Variants in ADAMTS18 observed in about 807,000 individuals in gnomAD.
ADAMTS18 encodes the protein A disintegrin and metalloproteinase with thrombospondin motifs 18.
Under a neutral mutation model 165.9 loss-of-function variants are expected in ADAMTS18, and 157 were observed. The ratio of observed to expected loss-of-function variants is 0.95; its 90% CI spans 0.83 to 1.08. The LOEUF is 1.08. ADAMTS18 is among the 50% of genes least tolerant of loss of function. The probability of loss-of-function intolerance (pLI) is 0.00; values close to 1 mark genes in which losing one functional copy is unlikely to be tolerated. For missense variants in ADAMTS18, 2,040 were observed against 1,534.0 expected (o/e 1.33, Z -5.51); for synonymous variants, 782 against 578.2 (o/e 1.35, Z -5.06).
intron 3 of ADAMTS18, among the ~76,000 whole-genome samples, chr16:77,390,463 G>A (rs1300268619): frequency 3.3e-5 from 5 of 151,900 alleles, no homozygotes; most frequent in African/African-American, 4.8e-5. Flanking sequence ...AGGCCGAGGC[G>A]GGCAGATCAC....
At chr16:77,366,549 A>G (rs1459753182) in intron 4 of ADAMTS18, among the ~76,000 whole-genome samples, 3 of 152,222 alleles carry the variant, frequency 2.0e-5, no homozygotes, top group Non-Finnish European at 4.4e-5. Flanking sequence ...AAAGAGTGAA[A>G]CTGTCTCAAA....
At chr16:77,431,995 G>C (rs78922436) in intron 2 of ADAMTS18, among the ~76,000 whole-genome samples, 1 of 152,120 alleles carries the variant, frequency 6.6e-6, no homozygotes, top group Non-Finnish European at 1.5e-5. Flanking sequence ...TGAAGATAAA[G>C]TTAATAAACA....
chr16:77,292,465 A>G (rs1260653415), intron 20 of ADAMTS18, among the ~76,000 whole-genome samples: 1 of 152,136 alleles, frequency 6.6e-6, no homozygotes, highest in African/African-American at 2.4e-5. Flanking sequence ...CCTTGCCCCA[A>G]ATCCCCTTTT....
At chr16:77,300,548 T>C (rs1025957882) in intron 16 of ADAMTS18, 144 bp from the exon 17 acceptor site, 1 of 983,856 alleles carries the variant, frequency 1.0e-6, no homozygotes, top group Non-Finnish European at 1.6e-6. Context: ...GTATGTTTTA[T>C]GTTGACTTAA....
chr16:77,417,746 A>G (rs1037120158), intron 3 of ADAMTS18, among the ~76,000 whole-genome samples: 8 of 152,232 alleles, frequency 5.3e-5, no homozygotes, highest in Non-Finnish European at 7.3e-5. Flanking sequence ...AAAGTATAAT[A>G]ATAATCATCA....
At chr16:77,357,635 A>G (rs2056651170) in intron 8 of ADAMTS18, among the ~76,000 whole-genome samples, 1 of 152,234 alleles carries the variant, frequency 6.6e-6, no homozygotes, top group Non-Finnish European at 1.5e-5. Context: ...TTAGAACTTC[A>G]GTGGAATTTT....
chr16:77,372,828 C>T (rs1486611615), intron 3 of ADAMTS18, among the ~76,000 whole-genome samples: 1 of 152,104 alleles, frequency 6.6e-6, no homozygotes, highest in Non-Finnish European at 1.5e-5. Context: ...GTCCCAAATC[C>T]CACCTGTCCT....
chr16:77,384,233 C>T (rs539995634), intron 3 of ADAMTS18, among the ~76,000 whole-genome samples: 42 of 152,340 alleles, frequency 2.8e-4, no homozygotes, highest in African/African-American at 9.9e-4. Flanking sequence ...AACTCCTCTA[C>T]TTCTGGAGCT....
Position 77,349,568 on chromosome 16 carries a change from C to A in ADAMTS18, c.1614+4165G>T, listed in dbSNP as rs903669036. On this transcript the variant is annotated intron_variant, in intron 10 of 22. Transcript: ENST00000282849. ...AAAAAAGCCGGTTCACTGAGCCAGA[C>A]AAAGTCATGAATAACTATTGTTCCC... Among the ~76,000 whole-genome samples the A allele has an allele frequency of 9.5e-5, 13 of 137,366 alleles. No individual in the cohort carries two copies. In the East Asian group the frequency reaches 2.9e-3, roughly 31 times the overall value. The allele number at this position is 137,366 out of a possible 152,430, so 90.1% of individuals were successfully genotyped here. A position where few individuals can be genotyped will look rare whatever the true frequency, so the allele number is the denominator to read the frequency against.
chr16:77,307,212 T>C (rs181330333), intron 16 of ADAMTS18, among the ~76,000 whole-genome samples: 5 of 152,362 alleles, frequency 3.3e-5, no homozygotes, highest in Admixed American at 2.6e-4. Context: ...AATTGCACCT[T>C]ACACTCCTGT....
chr16:77,361,009 A>T (rs2056704817), intron 7 of ADAMTS18, among the ~76,000 whole-genome samples: 1 of 152,096 alleles, frequency 6.6e-6, no homozygotes, highest in Non-Finnish European at 1.5e-5. Flanking sequence ...TCACTTGAAC[A>T]TGGGAGGCAG....
At chr16:77,343,946 A>G (rs1351703625) in intron 10 of ADAMTS18, among the ~76,000 whole-genome samples, 1 of 151,920 alleles carries the variant, frequency 6.6e-6, no homozygotes, top group Non-Finnish European at 1.5e-5. Context: ...ACTTGTTGTA[A>G]TCCTGAAAAT....
chr16:77,389,815 A>AT lies in ADAMTS18; in HGVS notation c.496-22093dup, dbSNP rs565417796. Reference sequence around the variant, plus strand: ...GAGCTCAGTTGCTTGCAGCTATTTGATTTTTTAAGCATAGAATCGATCTGT... The same window carrying AT: ...GAGCTCAGTTGCTTGCAGCTATTTGATTTTTTTAAGCATAGAATCGATCTGT... On this transcript the variant is annotated intron_variant, in intron 3 of 22. Coordinates refer to ENST00000282849, the MANE Select transcript of ADAMTS18 (RefSeq NM_199355.4). Among the ~76,000 whole-genome samples, 267 of 152,324 alleles carry AT rather than the reference A, an allele frequency of 1.8e-3. 1 individual carries two copies. The highest frequency in any genetic ancestry group is 6.0e-3 in the African/African-American group (250 of 41,560).
rs1401694800 is a variant in ADAMTS18, at chr16:77,434,628, G to T, written c.68C>A (p.Ala23Glu). 30 of 1,491,710 alleles carry T rather than the reference G, an allele frequency of 2.0e-5. No individual in the cohort carries two copies. Among genetic ancestry groups the T allele is most frequent in the Non-Finnish European group, 2.7e-5 (30 of 1,128,126 alleles). 92.4% of individuals were successfully genotyped at this position (1,491,710 alleles called of 1,614,324 possible). A position where few individuals can be genotyped will look rare whatever the true frequency, so the allele number is the denominator to read the frequency against. Residue 23 changes from alanine (A) to glutamate (E), a missense_variant, in exon 1 of 23, where the codon GCG becomes GAG. Coordinates refer to ENST00000282849, the MANE Select transcript of ADAMTS18 (RefSeq NM_199355.4). Reference sequence around the variant, plus strand: ...TGCCTTGGCCACGCGCCCCAGTCCCGCCAGGCCCCTCGGCGGGCCCGAACC... The same window carrying T: ...TGCCTTGGCCACGCGCCCCAGTCCCTCCAGGCCCCTCGGCGGGCCCGAACC... ...AAGSGPPRGL[A>E]GLGRVAKALQ...
rs187998780 is a variant in ADAMTS18 at position 77,293,094 on chromosome 16, G to A, written c.3171C>T (p.Val1057=). The change falls in exon 20 of 23, where the codon GTC becomes GTT. Residue 1057 remains valine, a synonymous_variant. Transcript: ENST00000282849. ...RCPKNSRLQW[V]ASSWSECSAT... The stretch of plus-strand genomic sequence containing the variant: ...TCCATACCTCGCTCCACGAAGAAGC[G>A]ACCCACTGTAGCCGGCTGTTCTTGG... 7.5e-5 allele frequency: 121 copies of A among 1,613,936 alleles called. No homozygotes were observed. Among genetic ancestry groups the A allele is most frequent in the Middle Eastern group, 3.3e-4 (2 of 6,062 alleles).
intron 17 of ADAMTS18, among the ~76,000 whole-genome samples, 176 bp from the exon 18 acceptor site, chr16:77,297,591 C>T (rs2144584410): frequency 6.6e-6 from 1 of 152,020 alleles, no homozygotes; most frequent in South Asian, 2.1e-4. Flanking sequence ...TTCCATTCCC[C>T]TCCCTAAAAT....
At chr16:77,334,651 CTATATACTG>C (rs1043056959) in intron 12 of ADAMTS18, among the ~76,000 whole-genome samples, 2 of 108,412 alleles carry the variant, frequency 1.8e-5, no homozygotes, top group African/African-American at 7.5e-5. Context: ...TGTATATACA[CTATATACTG>C]TATATAGTGC....
intron 3 of ADAMTS18, among the ~76,000 whole-genome samples, chr16:77,419,087 T>G (rs2057567179): frequency 6.6e-6 from 1 of 152,178 alleles, no homozygotes. Flanking sequence ...AGGCGGAGAC[T>G]GCAGTGAGCC....
In ADAMTS18 at chr16:77,363,834, C is replaced by G; in HGVS notation, c.1024G>C (p.Val342Leu). 1 of 1,614,036 alleles carries G rather than the reference C, an allele frequency of 6.2e-7. No homozygotes were observed. The highest frequency in any genetic ancestry group is 8.5e-7 in the Non-Finnish European group (1 of 1,179,966). ...TGTTCCAGAAGAATTAGGCTCACCA[C>G]AACCACGTTTATGTCACTTCCAATA... ...GTIGSDINVV[V>L]VSLILLEQEP... The change falls in exon 6 of 23, where the codon GTG becomes CTG. Residue 342 changes from valine to leucine, a missense_variant. Val to Leu is a conservative substitution (Grantham distance 32). Transcript: ENST00000282849.
Sources: gnomAD v4.1 joint callset for allele counts (sites outside exome capture counted in the v4.1 genomes callset) on GRCh38, gnomAD v4.1.1 for gene constraint, MANE v1.5 for transcripts, NCBI Gene and HGNC (gene_info 2026-07-23, HGNC 2026-07-21) for gene names.